Variants in DTNB observed in about 807,000 individuals in gnomAD.
DTNB encodes DTN-B.
DTNB carries 63 observed loss-of-function variants against 90.7 expected under a neutral mutation model. That is an observed-to-expected ratio of 0.69 (90% confidence interval 0.57 to 0.86). DTNB has a LOEUF of 0.86. DTNB is among the 40% of genes least tolerant of loss of function. The pLI, the probability that DTNB is intolerant of heterozygous loss-of-function variation, is 0.00. For synonymous variants in DTNB, 277 were observed against 286.7 expected (o/e 0.97, Z 0.34); for missense variants, 744 against 807.1 (o/e 0.92, Z 0.95).
In DTNB at chr2:25,557,951, T is replaced by C. The variant is rs147231072; in HGVS notation, c.876+18887A>G. 7.2e-4 allele frequency among the ~76,000 whole-genome samples: 110 copies of C among 152,288 alleles called. 1 individual carries two copies. The East Asian group carries it at 0.015, about 20-fold the overall frequency. ...ATCTCTGAATGTAGGAGTCTTAACC[T>C]AAACAAGAAGAACGAGCTGGAACTA... On this transcript the variant is annotated intron_variant, in intron 8 of 20. Transcript: ENST00000406818.
intron 2 of DTNB, among the ~76,000 whole-genome samples, chr2:25,639,634 A>G (rs926040369): frequency 2.0e-5 from 3 of 150,494 alleles, no homozygotes; most frequent in African/African-American, 7.3e-5. Context: ...CAATATTTTC[A>G]GAACAGTATT....
chr2:25,653,433 A>G (rs113590157), intron 1 of DTNB, among the ~76,000 whole-genome samples: 6 of 133,950 alleles, frequency 4.5e-5, no homozygotes, highest in African/African-American at 1.4e-4. Flanking sequence ...TTTTTTTTTT[A>G]AAAAAAAAAA....
chr2:25,482,791 C>T lies in DTNB; in HGVS notation c.1079+5G>A, dbSNP rs984541765. The T allele has an allele frequency of 1.1e-5, 18 of 1,613,456 alleles. No individual in the cohort carries two copies. Among genetic ancestry groups the T allele is most frequent in the Admixed American group, 1.7e-5 (1 of 59,988 alleles). On this transcript the variant is annotated splice_donor_5th_base_variant and intron_variant, in intron 10 of 20. Coordinates refer to ENST00000406818, the MANE Select transcript of DTNB (RefSeq NM_021907.5). Reference sequence around the variant, plus strand: ...ACCCAAGTCGAAGGCACAAGACATACGTACCTCTTGGTGGGAGTGGGCACT... The same window carrying T: ...ACCCAAGTCGAAGGCACAAGACATATGTACCTCTTGGTGGGAGTGGGCACT...
chr2:25,598,999 G>A (rs1267388196), intron 5 of DTNB: 8 of 151,776 alleles, frequency 5.3e-5, no homozygotes, highest in African/African-American at 1.9e-4. Context: ...AGGTTTCAAG[G>A]CAATTAGACT....
intron 10 of DTNB, among the ~76,000 whole-genome samples, chr2:25,474,671 G>A (rs1356377646): frequency 1.3e-5 from 2 of 152,170 alleles, no homozygotes; most frequent in African/African-American, 2.4e-5. Context: ...GTTTTATTGT[G>A]CTTTGCTTTA....
intron 9 of DTNB, among the ~76,000 whole-genome samples, chr2:25,494,573 G>A (rs2068372348): frequency 1.3e-5 from 2 of 152,098 alleles, no homozygotes; most frequent in African/African-American, 2.4e-5. Flanking sequence ...GAAGGCAGGG[G>A]TGCAGCTGGC....
At chr2:25,457,823 G>T (rs1291195744) in intron 10 of DTNB, among the ~76,000 whole-genome samples, 1 of 152,022 alleles carries the variant, frequency 6.6e-6, no homozygotes, top group African/African-American at 2.4e-5. Flanking sequence ...GCATTCCTGT[G>T]CATGATGTTA....
chr2:25,556,313 A>G (rs1247181702), intron 8 of DTNB, among the ~76,000 whole-genome samples: 1 of 151,926 alleles, frequency 6.6e-6, no homozygotes, highest in Non-Finnish European at 1.5e-5. Flanking sequence ...GTCAAAGGTT[A>G]CATGCATTTA....
chr2:25,434,058 G>A, intron 12 of DTNB, 63 bp from the exon 13 acceptor site: 1 of 1,438,428 alleles, frequency 7.0e-7, no homozygotes, highest in Non-Finnish European at 9.6e-7. Flanking sequence ...CAGAGTTCTA[G>A]ATTGACTGAT....
At chr2:25,480,760 T>C (rs1420229611) in intron 10 of DTNB, among the ~76,000 whole-genome samples, 1 of 152,190 alleles carries the variant, frequency 6.6e-6, no homozygotes, top group Non-Finnish European at 1.5e-5. Context: ...AACTATGACC[T>C]GAATTCTTTG....
chr2:25,569,961 G>C (rs1343183443), intron 8 of DTNB, among the ~76,000 whole-genome samples: 2 of 152,072 alleles, frequency 1.3e-5, no homozygotes, highest in East Asian at 3.9e-4. Flanking sequence ...GCCGAGCGTG[G>C]TGGCGGGCGC....
intron 10 of DTNB, among the ~76,000 whole-genome samples, chr2:25,473,126 G>A (rs2063123621): frequency 6.6e-6 from 1 of 152,146 alleles, no homozygotes; most frequent in Non-Finnish European, 1.5e-5. Flanking sequence ...GGGTAAAGTG[G>A]GGAGTAGACT....
At chr2:25,545,682 T>C (rs563333458) in intron 8 of DTNB, among the ~76,000 whole-genome samples, 1 of 152,266 alleles carries the variant, frequency 6.6e-6, no homozygotes, top group East Asian at 1.9e-4. Flanking sequence ...AGTGCAGTGG[T>C]ACGATCTTGG....
intron 3 of DTNB, among the ~76,000 whole-genome samples, chr2:25,634,161 G>A (rs1393282888): frequency 6.7e-6 from 1 of 149,720 alleles, no homozygotes; most frequent in Non-Finnish European, 1.5e-5. Context: ...GGTGAAGGGC[G>A]CCTCTGCCCG....
chr2:25,455,645 T>C (rs1282037463), intron 10 of DTNB, among the ~76,000 whole-genome samples, 151 bp from the exon 11 acceptor site: 1 of 152,220 alleles, frequency 6.6e-6, no homozygotes, highest in East Asian at 1.9e-4. Context: ...CAATGCATAA[T>C]GGAATATGGT....
chr2:25,446,001 G>A (rs1247589020), intron 12 of DTNB, among the ~76,000 whole-genome samples: 1 of 148,954 alleles, frequency 6.7e-6, no homozygotes, highest in Non-Finnish European at 1.5e-5. Context: ...GCTAATACAT[G>A]CAAAGCACTT....
At chr2:25,459,899 G>C (rs185103651) in intron 10 of DTNB, among the ~76,000 whole-genome samples, 9 of 152,220 alleles carry the variant, frequency 5.9e-5, no homozygotes, top group African/African-American at 2.2e-4. Flanking sequence ...CTTGAGCCCA[G>C]GAGTTAAGAG....
intron 9 of DTNB, among the ~76,000 whole-genome samples, chr2:25,490,774 A>G (rs2067222040): frequency 6.6e-6 from 1 of 152,292 alleles, no homozygotes; most frequent in South Asian, 2.1e-4. Flanking sequence ...ATAGCTAACA[A>G]CTACTGAGTG....
At chr2:25,494,837 G>A (rs535140458) in intron 9 of DTNB, among the ~76,000 whole-genome samples, 2 of 151,986 alleles carry the variant, frequency 1.3e-5, no homozygotes, top group South Asian at 4.2e-4. Context: ...GCTATGACTG[G>A]TATTCCTCCC....
Sources: allele counts gnomAD v4.1 joint callset (sites outside exome capture counted in the v4.1 genomes callset), GRCh38; gene constraint gnomAD v4.1.1; transcripts MANE v1.5; gene names NCBI Gene and HGNC (gene_info 2026-07-23, HGNC 2026-07-21).